Variants in INTS11 observed in about 807,000 individuals in gnomAD.
INTS11 encodes the protein CPSF3-like protein.
A neutral mutation model predicts 78.6 loss-of-function variants in INTS11; 77 were observed. The ratio of observed to expected loss-of-function variants is 0.98; its 90% CI spans 0.81 to 1.18. The LOEUF (loss-of-function observed/expected upper bound fraction) is 1.18. INTS11 is among the 50% of genes most tolerant of loss of function. The pLI, the probability that INTS11 is intolerant of heterozygous loss-of-function variation, is 0.00. For missense variants in INTS11, 875 were observed against 825.9 expected (o/e 1.06, Z -0.73); for synonymous variants, 441 against 326.9 (o/e 1.35, Z -3.77).
Position 1,314,929 on chromosome 1 carries a change from C to T in INTS11, c.597G>A (p.Leu199=), listed in dbSNP as rs376583652. 70 of 1,612,908 alleles carry T rather than the reference C, an allele frequency of 4.3e-5. No homozygotes were observed. The highest frequency in any genetic ancestry group is 5.3e-5 in the Non-Finnish European group (63 of 1,179,892). ...AAWIDKCRPN[L]LITESTYATT... ...TGGCGTACGTGGACTCTGTGATGAGCAGGTTGGGGCGGCACTTGTCAATCC... is the reference window on the plus strand; with the variant it reads ...TGGCGTACGTGGACTCTGTGATGAGTAGGTTGGGGCGGCACTTGTCAATCC... Residue 199 remains leucine (L), a synonymous_variant, in exon 7 of 17, where the codon CTG becomes CTA. Transcript: ENST00000435064. The surrounding 1 kb of genome is among the most constrained non-coding windows in gnomAD (Gnocchi z 4.2).
chr1:1,319,403 G>T lies in INTS11; in HGVS notation c.322C>A (p.Arg108Ser). 1.2e-6 allele frequency: 2 copies of T among 1,613,314 alleles called. No homozygotes were observed. Among genetic ancestry groups the T allele is most frequent in the Non-Finnish European group, 1.7e-6 (2 of 1,179,942 alleles). The change falls in exon 4 of 17, where the codon CGC becomes AGC. Residue 108 changes from arginine to serine, a missense_variant. Coordinates refer to ENST00000435064, the MANE Select transcript of INTS11 (RefSeq NM_017871.6). The part of the protein sequence containing the change: ...AICPILLEDY[R>S]KIAVDKKGEA... Reference sequence around the variant, plus strand: ...CCCTTCTTGTCTACGGCGATCTTGCGGTAGTCCTCCAGCAAGATGGGGCAG... The same window carrying T: ...CCCTTCTTGTCTACGGCGATCTTGCTGTAGTCCTCCAGCAAGATGGGGCAG...
Position 1,312,955 on chromosome 1 carries a change from G to C in INTS11, c.1132-6C>G. On this transcript the variant is annotated splice_region_variant and splice_polypyrimidine_tract_variant and intron_variant, in intron 11 of 16. Coordinates refer to ENST00000435064, the MANE Select transcript of INTS11 (RefSeq NM_017871.6). ...ACCTGCATCTTGACCTCCAGCTACA[G>C]AGGCCACGGGGCGTGGACAGTGGTT... The C allele has an allele frequency of 6.2e-7, 1 of 1,611,670 alleles. No individual in the cohort carries two copies. Among genetic ancestry groups the C allele is most frequent in the South Asian group, 1.1e-5 (1 of 91,060 alleles).
intron 3 of INTS11, chr1:1,320,011 G>A (rs999830280): frequency 3.4e-5 from 4 of 116,866 alleles, no homozygotes; most frequent in Non-Finnish European, 8.4e-5. Context: ...CAGGCTTCAC[G>A]GGCCTGGCTG....
intron 1 of INTS11, among the ~76,000 whole-genome samples, chr1:1,324,270 C>T (rs1170977213): frequency 6.6e-6 from 1 of 151,804 alleles, no homozygotes; most frequent in Non-Finnish European, 1.5e-5. Flanking sequence ...GAGGCGGCAG[C>T]GCGCGGCACG....
chr1:1,313,380 C>G, intron 10 of INTS11, 129 bp downstream of exon 10: 5 of 1,108,438 alleles, frequency 4.5e-6, no homozygotes, highest in Non-Finnish European at 6.7e-6. Flanking sequence ...GCCCCCGTTC[C>G]CCAGCAGCAG....
chr1:1,314,992 C>G lies in INTS11; in HGVS notation c.564-30G>C, dbSNP rs1244297286. ...AACACGGGGGTGGGGGTGTGAGCCA[C>G]GATGCACTGTCCCCACGGTTGCAGG... On this transcript the variant is annotated intron_variant, in intron 6 of 16. Coordinates refer to ENST00000435064, the MANE Select transcript of INTS11 (RefSeq NM_017871.6). The surrounding 1 kb of genome is among the most constrained non-coding windows in gnomAD (Gnocchi z 4.2). 14 of 1,606,860 alleles carry G rather than the reference C, an allele frequency of 8.7e-6. No individual in the cohort carries two copies. The highest frequency in any genetic ancestry group is 1.3e-5 in the African/African-American group (1 of 74,812).
intron 1 of INTS11, chr1:1,321,939 G>T: frequency 9.8e-7 from 1 of 1,022,616 alleles, no homozygotes; most frequent in Non-Finnish European, 1.2e-6. Flanking sequence ...AGTGTCCAAA[G>T]CCAGCACCAC....
Position 1,314,527 on chromosome 1 carries a change from G to A in INTS11, c.703-162C>T, listed in dbSNP as rs1262845789. Reference sequence around the variant, plus strand: ...TCCCAGCCGCTCTCCAGAGACAGAAGGGAGCCGTATGAGAGACAGGAGGGA... The same window carrying A: ...TCCCAGCCGCTCTCCAGAGACAGAAAGGAGCCGTATGAGAGACAGGAGGGA... On this transcript the variant is annotated intron_variant, in intron 7 of 16. Transcript: ENST00000435064. This position sits in a 1 kb window ranked among gnomAD's most constrained non-coding sequence, Gnocchi z 4.2. 15 of 676,586 alleles carry A rather than the reference G, an allele frequency of 2.2e-5. No individual in the cohort carries two copies. In the South Asian group the frequency reaches 2.7e-4, roughly 12 times the overall value. 41.9% of individuals were successfully genotyped at this position (676,586 alleles called of 1,614,324 possible).
At position 1,312,212 on chromosome 1, in the gene INTS11, GGCC is replaced by G; in HGVS notation, c.1607+11_1607+13del. ...GCCCAAGGGAGTGGGGGGGGGGCGGGGCCGGGCGCCCACCTCTTGAGGTGGCTG... is the reference window on the plus strand; with the variant it reads ...GCCCAAGGGAGTGGGGGGGGGGCGGGGGGCGCCCACCTCTTGAGGTGGCTG... On this transcript the variant is annotated intron_variant, in intron 15 of 16. Transcript: ENST00000435064. 1.1e-6 allele frequency: 1 copy of G among 911,006 alleles called. No individual in the cohort carries two copies. Among genetic ancestry groups the G allele is most frequent in the Non-Finnish European group, 1.7e-6 (1 of 600,428 alleles). 56.4% of individuals were successfully genotyped at this position (911,006 alleles called of 1,614,324 possible).
chr1:1,320,612 C>G, intron 2 of INTS11, 83 bp from the exon 3 acceptor site: 1 of 1,375,868 alleles, frequency 7.3e-7, no homozygotes, highest in African/African-American at 1.4e-5. Context: ...GAGGGGCCCC[C>G]AGGAAGGGGG....
At chr1:1,318,460 C>A (rs1262523452) in intron 4 of INTS11, among the ~76,000 whole-genome samples, 1 of 151,736 alleles carries the variant, frequency 6.6e-6, no homozygotes. Context: ...CCCAGGAGTT[C>A]GAGAGCCTTA....
rs372810149 is a variant in INTS11 at position 1,312,962 on chromosome 1, C to T, written c.1132-13G>A. Reference sequence around the variant, plus strand: ...TCTTGACCTCCAGCTACAGAGGCCACGGGGCGTGGACAGTGGTTACCACCA... The same window carrying T: ...TCTTGACCTCCAGCTACAGAGGCCATGGGGCGTGGACAGTGGTTACCACCA... On this transcript the variant is annotated splice_polypyrimidine_tract_variant and intron_variant, in intron 11 of 16. Coordinates refer to ENST00000435064, the MANE Select transcript of INTS11 (RefSeq NM_017871.6). The T allele has an allele frequency of 1.7e-4, 273 of 1,611,520 alleles. No individual in the cohort carries two copies. Among genetic ancestry groups the T allele is most frequent in the East Asian group, 5.1e-4 (23 of 44,830 alleles).
chr1:1,320,975 C>A (rs762566349), intron 2 of INTS11, 21 bp downstream of exon 2: 2 of 1,606,382 alleles, frequency 1.2e-6, no homozygotes, highest in Non-Finnish European at 1.7e-6. Context: ...AGCCTCTGGG[C>A]CTCCTGCCCA....
rs377187685 is a variant in INTS11 at position 1,319,499 on chromosome 1, C to A, written c.226G>T (p.Ala76Ser). 1.3e-6 allele frequency: 2 copies of A among 1,591,680 alleles called. No individual in the cohort carries two copies. The highest frequency in any genetic ancestry group is 1.7e-5 in the Admixed American group (1 of 59,222). The change falls in exon 4 of 17, where the codon GCA becomes TCA. Residue 76 changes from alanine to serine, a missense_variant. Physicochemically the swap from Ala to Ser is moderately conservative, Grantham distance 99. Transcript: ENST00000435064. ...ISHFHLDHCG[A>S]LPYFSEMVGY... ...ACCATCTCGCTGAAGTAGGGGAGTG[C>A]CCCGCAGTGGTCCAGGTGGAAGTGG...
At chr1:1,322,210 G>A (rs1011106756) in intron 1 of INTS11, among the ~76,000 whole-genome samples, 14 of 152,124 alleles carry the variant, frequency 9.2e-5, no homozygotes, top group Admixed American at 5.2e-4. Flanking sequence ...ACGGCCCCGA[G>A]GCATGGGGCC....
intron 4 of INTS11, 128 bp downstream of exon 4, chr1:1,319,167 CG>C: frequency 2.3e-6 from 2 of 887,682 alleles, no homozygotes; most frequent in Non-Finnish European, 3.9e-6. Flanking sequence ...CGGTGCTGGA[CG>C]CAAGAGTGAG....
chr1:1,322,456 G>T (rs2100639786), intron 1 of INTS11, among the ~76,000 whole-genome samples: 1 of 144,470 alleles, frequency 6.9e-6, no homozygotes, highest in Non-Finnish European at 1.5e-5. Flanking sequence ...TGACAGAAAA[G>T]AGCAAGGTGA....
rs1642299519 is a variant in INTS11, at chr1:1,312,718, A to C, written c.1295-18T>G. 1 of 1,589,590 alleles carries C rather than the reference A, an allele frequency of 6.3e-7. No individual in the cohort carries two copies. Among genetic ancestry groups the C allele is most frequent in the Non-Finnish European group, 8.6e-7 (1 of 1,164,852 alleles). On this transcript the variant is annotated intron_variant, in intron 12 of 16. Transcript: ENST00000435064. ...GTTGACCCCTGGACCCCGGGGGAAG[A>C]GAGAGCCTCAGCCCAGGCTGCCCGT... is the stretch of plus-strand genomic sequence containing the variant.
intron 1 of INTS11, chr1:1,321,897 A>AAACCCCC: frequency 7.9e-7 from 1 of 1,258,202 alleles, no homozygotes; most frequent in Non-Finnish European, 1.0e-6. Context: ...TTCCCCTTGA[A>AAACCCCC]TCCCACCCAC....
Sources: gnomAD v4.1 joint callset for allele counts (sites outside exome capture counted in the v4.1 genomes callset) on GRCh38, gnomAD v4.1.1 for gene constraint, Gnocchi (gnomAD v3.1) non-coding constraint, MANE v1.5 for transcripts, NCBI Gene and HGNC (gene_info 2026-07-23, HGNC 2026-07-21) for gene names.